ATRNL1: variants seen among roughly 807,000 people sequenced by gnomAD.
The protein encoded by ATRNL1 is attractin like 1, also known as attractin-like protein 1.
In ATRNL1, 95 loss-of-function variants were observed where a neutral mutation model predicts 182.7. That is an observed-to-expected ratio of 0.52 (90% CI 0.44 to 0.62). The LOEUF is 0.62. Ranked by LOEUF, ATRNL1 falls within the 20% of genes least tolerant of loss-of-function variation. The pLI is 0.00. For synonymous variants in ATRNL1, 576 were observed against 568.3 expected, an observed-to-expected ratio of 1.01 and a Z score of -0.19; for missense variants, 1,471 against 1,679.5, an observed-to-expected ratio of 0.88 and a Z score of 2.17.
In ATRNL1 at chr10:115,730,253, C is replaced by CAA. The variant is rs535690432; in HGVS notation, c.3903+2926_3903+2927dup. 8.9e-3 allele frequency among the ~76,000 whole-genome samples: 549 copies of CAA among 61,422 alleles called. 2 individuals are homozygous for CAA. The highest frequency in any genetic ancestry group is 0.011 in the East Asian group (16 of 1,418). The allele number at this position is 61,422 out of a possible 152,430, so 40.3% of individuals were successfully genotyped here. On this transcript the variant is annotated intron_variant, in intron 27 of 28. Coordinates refer to ENST00000355044, the MANE Select transcript of ATRNL1 (RefSeq NM_207303.4). ...GCCTGGGCAACAGAGTAGGACTCCT[C>CAA]AAAAAAAAAAAAAAAAAAAAAAAAA...
chr10:115,462,057 T>G (rs557467730), intron 22 of ATRNL1, 22 bp downstream of exon 22: 1 of 1,539,112 alleles, frequency 6.5e-7, no homozygotes, highest in South Asian at 1.2e-5. Flanking sequence ...TTGTTATCTT[T>G]TAAAGTATAA....
intron 27 of ATRNL1, among the ~76,000 whole-genome samples, chr10:115,795,518 C>CAGT (rs1949630773): frequency 1.3e-5 from 2 of 152,262 alleles, no homozygotes; most frequent in Non-Finnish European, 1.5e-5. Context: ...GCTATAAAGA[C>CAGT]ATACCTGAGA....
At chr10:115,443,194 G>A (rs1488818895) in intron 21 of ATRNL1, among the ~76,000 whole-genome samples, 12 of 151,738 alleles carry the variant, frequency 7.9e-5, no homozygotes, top group Non-Finnish European at 1.8e-4. Flanking sequence ...CATTTTTTTG[G>A]TGATTTGATA....
intron 26 of ATRNL1, among the ~76,000 whole-genome samples, chr10:115,678,097 C>T (rs1945925431): frequency 6.6e-6 from 1 of 152,216 alleles, no homozygotes; most frequent in Middle Eastern, 3.4e-3. Context: ...GACCAATATA[C>T]AGGAGCCATC....
rs536133754 is a variant in ATRNL1, at chr10:115,304,411, A to G, written c.2818+2368A>G. On this transcript the variant is annotated intron_variant, in intron 17 of 28. Transcript: ENST00000355044. ...ATATGGCTCCCATGAGTGGAGGAAC[A>G]CCAGGGCTCTTGTCTCACGTTGAAT... Among the ~76,000 whole-genome samples, 10 of 152,336 alleles carry G rather than the reference A, an allele frequency of 6.6e-5. No homozygotes were observed. In the East Asian group the frequency reaches 1.9e-3, roughly 29 times the overall value.
At chr10:115,324,341 A>G (rs754728232) in intron 18 of ATRNL1, among the ~76,000 whole-genome samples, 4 of 152,206 alleles carry the variant, frequency 2.6e-5, no homozygotes, top group Admixed American at 6.5e-5. Context: ...ACAGTTGCAG[A>G]AAGGAATAGT....
chr10:115,347,248 G>A (rs978106886), intron 19 of ATRNL1, among the ~76,000 whole-genome samples: 7 of 152,132 alleles, frequency 4.6e-5, no homozygotes, highest in African/African-American at 7.2e-5. Context: ...TACTTTCTCC[G>A]GTAGTTTATG....
chr10:115,511,493 C>G (rs1850384012), intron 24 of ATRNL1, among the ~76,000 whole-genome samples: 1 of 151,762 alleles, frequency 6.6e-6, no homozygotes, highest in Non-Finnish European at 1.5e-5. Context: ...TTAGCACATT[C>G]TTTTATATTA....
intron 10 of ATRNL1, among the ~76,000 whole-genome samples, chr10:115,255,838 T>G (rs1161946773): frequency 6.6e-6 from 1 of 152,248 alleles, no homozygotes; most frequent in Non-Finnish European, 1.5e-5. Flanking sequence ...TTGAGAGTTT[T>G]TAGCCTGAAG....
intron 28 of ATRNL1, among the ~76,000 whole-genome samples, chr10:115,929,036 A>G (rs1953319068): frequency 6.6e-6 from 1 of 152,038 alleles, no homozygotes; most frequent in African/African-American, 2.4e-5. Context: ...CATTTTGAAT[A>G]CTGATCCTGA....
chr10:115,688,182 T>C (rs949926763), intron 26 of ATRNL1, among the ~76,000 whole-genome samples: 1 of 152,070 alleles, frequency 6.6e-6, no homozygotes, highest in East Asian at 1.9e-4. Context: ...TTCCATTGTG[T>C]ATATATATAT....
chr10:115,378,265 C>T (rs1857790038), intron 19 of ATRNL1, among the ~76,000 whole-genome samples: 1 of 152,178 alleles, frequency 6.6e-6, no homozygotes, highest in African/African-American at 2.4e-5. Context: ...GGACTAATGT[C>T]AGCAGGTTAG....
chr10:115,328,330 G>A (rs571031756), intron 18 of ATRNL1, among the ~76,000 whole-genome samples: 6 of 151,964 alleles, frequency 3.9e-5, no homozygotes, highest in Non-Finnish European at 8.8e-5. Flanking sequence ...TGTTTCACAC[G>A]GTTCAATGCG....
At chr10:115,432,805 C>T (rs1434302705) in intron 21 of ATRNL1, among the ~76,000 whole-genome samples, 3 of 151,838 alleles carry the variant, frequency 2.0e-5, no homozygotes, top group African/African-American at 7.2e-5. Flanking sequence ...CAAAGTATCA[C>T]AAAGTAGTAT....
At chr10:115,940,816 G>T (rs577045723) in intron 28 of ATRNL1, among the ~76,000 whole-genome samples, 1 of 151,942 alleles carries the variant, frequency 6.6e-6, no homozygotes, top group Non-Finnish European at 1.5e-5. Context: ...GAAAGAGAAC[G>T]TAGCAACTTC....
At chr10:115,121,627 TA>T (rs1338652549) in intron 2 of ATRNL1, 71 bp from the exon 3 acceptor site, 6 of 531,808 alleles carry the variant, frequency 1.1e-5, no homozygotes, top group Non-Finnish European at 1.9e-5. Context: ...TATTATATAA[TA>T]AATATTATGT....
In ATRNL1 at chr10:115,574,248, A is replaced by G. The variant is rs1005203211; in HGVS notation, c.3795+24712A>G. On this transcript the variant is annotated intron_variant, in intron 26 of 28. Coordinates refer to ENST00000355044, the MANE Select transcript of ATRNL1 (RefSeq NM_207303.4). ...CAGCAATATATATAACTACAGTTAT[A>G]TATACATAACTACATATGTACATGT... is the stretch of plus-strand genomic sequence containing the variant. Among the ~76,000 whole-genome samples, 36 of 151,238 alleles carry G rather than the reference A, an allele frequency of 2.4e-4. 1 individual carries two copies. The highest frequency in any genetic ancestry group is 8.7e-4 in the African/African-American group (36 of 41,338).
intron 27 of ATRNL1, among the ~76,000 whole-genome samples, chr10:115,826,805 T>TA (rs1484105677): frequency 2.0e-5 from 3 of 151,994 alleles, no homozygotes; most frequent in African/African-American, 7.2e-5. Context: ...AACATTCGAT[T>TA]AAAAAATGAT....
At chr10:115,735,455 C>T (rs782470803) in intron 27 of ATRNL1, among the ~76,000 whole-genome samples, 6 of 152,106 alleles carry the variant, frequency 3.9e-5, no homozygotes, top group East Asian at 1.9e-4. Flanking sequence ...CAAGAGTCCC[C>T]GTGGATGCCT....
Sources: gnomAD v4.1 joint callset for allele counts (sites outside exome capture counted in the v4.1 genomes callset) on GRCh38, gnomAD v4.1.1 for gene constraint, MANE v1.5 for transcripts, NCBI Gene and HGNC (gene_info 2026-07-23, HGNC 2026-07-21) for gene names.